OPHN1: variants seen among roughly 807,000 people sequenced by gnomAD.
The protein encoded by OPHN1 is oligophrenin-1.
Under a neutral mutation model 60.7 loss-of-function variants are expected in OPHN1, and 11 were observed. That is an observed-to-expected ratio of 0.18 (90% confidence interval 0.11 to 0.30). The LOEUF (loss-of-function observed/expected upper bound fraction) is 0.30, where lower values mean the gene tolerates loss of function less well. OPHN1 is among the 10% of genes least tolerant of loss of function. The probability of loss-of-function intolerance (pLI) is 1.00; values close to 1 mark genes in which losing one functional copy is unlikely to be tolerated. For synonymous variants in OPHN1, 226 were observed against 222.6 expected (o/e 1.02, Z -0.14); for missense variants, 449 against 611.0 (o/e 0.73, Z 2.80).
At chrX:68,146,914 A>C (rs2077266394) in intron 15 of OPHN1, among the ~76,000 whole-genome samples, 1 of 112,407 alleles carries the variant, frequency 8.9e-6, no homozygotes, top group Admixed American at 9.4e-5. Flanking sequence ...AAGTCTGTGT[A>C]CATATATGTA....
intron 16 of OPHN1, among the ~76,000 whole-genome samples, chrX:68,117,043 C>T (rs2077130040): frequency 9.0e-6 from 1 of 111,589 alleles, no homozygotes; most frequent in South Asian, 3.8e-4. Context: ...TCTCAATATG[C>T]ACCTCATGTT....
At chrX:68,264,686 C>G (rs1055207358) in intron 5 of OPHN1, among the ~76,000 whole-genome samples, 1 of 111,970 alleles carries the variant, frequency 8.9e-6, no homozygotes, top group African/African-American at 3.2e-5. Context: ...GGGTGCAGGA[C>G]AGTGGGTGCA....
chrX:68,322,299 A>G (rs2078239362), intron 2 of OPHN1, among the ~76,000 whole-genome samples: 2 of 111,605 alleles, frequency 1.8e-5, no homozygotes, highest in Admixed American at 9.6e-5. Context: ...CACTTATCAT[A>G]CAACCCAGCA....
chrX:68,302,240 A>C (rs1322106060), intron 2 of OPHN1, among the ~76,000 whole-genome samples: 1 of 112,244 alleles, frequency 8.9e-6, no homozygotes, highest in Non-Finnish European at 1.9e-5. Flanking sequence ...TCTCCAATGC[A>C]TGGGTTACAT....
intron 5 of OPHN1, among the ~76,000 whole-genome samples, chrX:68,268,180 C>A (rs995918636): frequency 1.1e-4 from 12 of 111,552 alleles, no homozygotes; most frequent in Non-Finnish European, 3.8e-5. Context: ...CAGCTCGTAC[C>A]ATTCCTTCTG....
intron 5 of OPHN1, among the ~76,000 whole-genome samples, chrX:68,238,137 T>C (rs976804801): frequency 1.9e-4 from 21 of 111,852 alleles, no homozygotes; most frequent in African/African-American, 6.8e-4. Context: ...CCGCCTGGAA[T>C]TCAGCATTGT....
chrX:68,394,131 G>C (rs1026951799), intron 2 of OPHN1, among the ~76,000 whole-genome samples: 1 of 109,559 alleles, frequency 9.1e-6, no homozygotes, highest in African/African-American at 3.3e-5. Flanking sequence ...TCCTGACCTC[G>C]TGATCCGCCC....
intron 2 of OPHN1, among the ~76,000 whole-genome samples, chrX:68,322,033 G>A (rs775651904): frequency 2.7e-5 from 3 of 110,494 alleles, no homozygotes; most frequent in Non-Finnish European, 3.8e-5. Flanking sequence ...GTGCAGTGGC[G>A]CCATCATGGC....
intron 5 of OPHN1, among the ~76,000 whole-genome samples, chrX:68,236,666 G>A (rs2147526678): frequency 9.0e-6 from 1 of 111,616 alleles, no homozygotes; most frequent in South Asian, 3.8e-4. Flanking sequence ...TTTGGTGACT[G>A]GCTTCTTAAA....
At chrX:68,055,955 G>A (rs1260370421) in intron 21 of OPHN1, among the ~76,000 whole-genome samples, 1 of 111,072 alleles carries the variant, frequency 9.0e-6, no homozygotes, top group Non-Finnish European at 1.9e-5. Context: ...ACCTGTCATG[G>A]GGTGGGAGGA....
chrX:68,060,770 C>T (rs1424276507), intron 21 of OPHN1, among the ~76,000 whole-genome samples: 2 of 111,626 alleles, frequency 1.8e-5, no homozygotes, highest in African/African-American at 6.5e-5. Flanking sequence ...AACAACAGAG[C>T]TGAAATGGGG....
At chrX:68,111,772 T>C in intron 18 of OPHN1, 82 bp downstream of exon 18, 1 of 656,885 alleles carries the variant, frequency 1.5e-6, no homozygotes. Context: ...CTGAAAGAGC[T>C]GAGAGGCAGT....
At chrX:68,431,417 C>T (rs2078885023) in intron 2 of OPHN1, among the ~76,000 whole-genome samples, 1 of 111,480 alleles carries the variant, frequency 9.0e-6, no homozygotes, top group Non-Finnish European at 1.9e-5. Context: ...CACACTACCA[C>T]TTTCTTTTCT....
At chrX:68,068,471 A>AG (rs1491525115) in intron 20 of OPHN1, among the ~76,000 whole-genome samples, 3 of 14,301 alleles carry the variant, frequency 2.1e-4, no homozygotes, top group Non-Finnish European at 9.7e-4. Context: ...ACTCCATCTC[A>AG]AAAAAAAAAA....
intron 2 of OPHN1, among the ~76,000 whole-genome samples, chrX:68,355,203 CAG>C (rs2078434281): frequency 8.9e-6 from 1 of 112,451 alleles, no homozygotes; most frequent in Non-Finnish European, 1.9e-5. Flanking sequence ...CTAGTTGTGT[CAG>C]AAAACTTAAT....
intron 15 of OPHN1, among the ~76,000 whole-genome samples, chrX:68,189,359 T>A (rs911989144): frequency 6.2e-5 from 7 of 112,295 alleles, no homozygotes; most frequent in African/African-American, 1.6e-4. Flanking sequence ...AACTTTTTTT[T>A]AATTTTTTTT....
Position 68,104,903 on chromosome X carries a change from T to A in OPHN1, c.1526+6951A>T, listed in dbSNP as rs1953532062. On this transcript the variant is annotated intron_variant, in intron 18 of 24. Coordinates refer to ENST00000355520, the MANE Select transcript of OPHN1 (RefSeq NM_002547.3). ...ACAGAATGGGAGAAAATTTTTGCAA[T>A]CTATCCATATGATAAAGGGCTAATA... 4.5e-5 allele frequency among the ~76,000 whole-genome samples: 5 copies of A among 111,483 alleles called. No individual in the cohort carries two copies. In the South Asian group the frequency reaches 1.9e-3, roughly 42 times the overall value.
chrX:68,191,201 T>C (rs2077486542), intron 15 of OPHN1, among the ~76,000 whole-genome samples: 1 of 111,756 alleles, frequency 8.9e-6, no homozygotes, highest in African/African-American at 3.3e-5. Context: ...GGGAGAGAAA[T>C]GCAGGTAGAT....
chrX:68,396,154 G>A (rs929630844), intron 2 of OPHN1, among the ~76,000 whole-genome samples: 3 of 107,733 alleles, frequency 2.8e-5, no homozygotes, highest in Non-Finnish European at 5.7e-5. Flanking sequence ...GGCTGTGGAC[G>A]AGGAATGGCG....
Sources: allele counts gnomAD v4.1 joint callset (sites outside exome capture counted in the v4.1 genomes callset), GRCh38; gene constraint gnomAD v4.1.1; transcripts MANE v1.5; gene names NCBI Gene and HGNC (gene_info 2026-07-23, HGNC 2026-07-21).